The following PDE9A variants were observed in gnomAD, a reference collection of about 807,000 sequenced individuals.
The protein encoded by PDE9A is high affinity cGMP-specific 3',5'-cyclic phosphodiesterase 9A.
PDE9A carries 60 observed loss-of-function variants against 87.4 expected under a neutral mutation model. The observed-to-expected ratio is 0.69, with a 90% CI of 0.56 to 0.85. PDE9A has a LOEUF of 0.85. Ranked by LOEUF, PDE9A falls within the 40% of genes least tolerant of loss-of-function variation. PDE9A has a pLI of 0.00. For missense variants in PDE9A, 665 were observed against 779.0 expected (o/e 0.85, Z 1.74); for synonymous variants, 272 against 279.4 (o/e 0.97, Z 0.27).
At chr21:42,741,032 G>A (rs1338460966) in intron 7 of PDE9A, 1 of 152,154 alleles carries the variant, frequency 6.6e-6, no homozygotes, top group Non-Finnish European at 1.5e-5. Context: ...CTTGGACAGA[G>A]GGCCCAGCTG....
Position 42,671,579 on chromosome 21 carries a change from A to G in PDE9A, c.70-14613A>G, listed in dbSNP as rs1224405689. On this transcript the variant is annotated intron_variant, in intron 1 of 19. Transcript: ENST00000291539. ...ACAATATGTCCAAATGTGTATATAT[A>G]TAATTTGTAACTAGAGGTAAATTGC... 7.2e-5 allele frequency among the ~76,000 whole-genome samples: 11 copies of G among 152,244 alleles called. No individual in the cohort carries two copies. The East Asian group carries it at 2.1e-3, about 29-fold the overall frequency.
intron 4 of PDE9A, among the ~76,000 whole-genome samples, chr21:42,720,005 A>G (rs921599210): frequency 1.8e-4 from 27 of 152,194 alleles, no homozygotes; most frequent in African/African-American, 6.5e-4. Context: ...CTCAGACACG[A>G]TGAGCCAGAG....
At chr21:42,683,815 G>C (rs2059299981) in intron 1 of PDE9A, among the ~76,000 whole-genome samples, 1 of 152,234 alleles carries the variant, frequency 6.6e-6, no homozygotes, top group African/African-American at 2.4e-5. Context: ...TGTCTGGAGA[G>C]AATTTAACTC....
At chr21:42,693,581 C>T (rs1030944660) in intron 3 of PDE9A, among the ~76,000 whole-genome samples, 4 of 145,912 alleles carry the variant, frequency 2.7e-5, no homozygotes, top group Non-Finnish European at 6.0e-5. Flanking sequence ...TGAGCCACCG[C>T]GTCCTACTTT....
intron 3 of PDE9A, chr21:42,689,880 G>T: frequency 1.0e-6 from 1 of 959,244 alleles, no homozygotes; most frequent in Non-Finnish European, 1.2e-6. Context: ...GGAGAAGATG[G>T]AGACACACGC....
intron 1 of PDE9A, among the ~76,000 whole-genome samples, chr21:42,681,774 A>G (rs2059178834): frequency 6.6e-6 from 1 of 152,272 alleles, no homozygotes; most frequent in South Asian, 2.1e-4. Flanking sequence ...AGAAGCCAAC[A>G]TAAAACTTTC....
At position 42,696,325 on chromosome 21, in the gene PDE9A, C is replaced by T. The variant is rs1450473528; in HGVS notation, c.219-2643C>T. ...TGCTGTTCTCCCTCCAGCCCTTGCC[C>T]CACCTCCTGGAGCCCTTCTCTGCGC... On this transcript the variant is annotated intron_variant, in intron 3 of 19. Transcript: ENST00000291539. This position sits in a 1 kb window ranked among gnomAD's most constrained non-coding sequence, Gnocchi z 5.1. Among the ~76,000 whole-genome samples, 4 of 152,194 alleles carry T rather than the reference C, an allele frequency of 2.6e-5. No individual in the cohort carries two copies. The highest frequency in any genetic ancestry group is 5.9e-5 in the Non-Finnish European group (4 of 68,038).
chr21:42,713,829 A>G (rs1403894664), intron 4 of PDE9A, among the ~76,000 whole-genome samples: 3 of 151,964 alleles, frequency 2.0e-5, no homozygotes, highest in African/African-American at 7.3e-5. Flanking sequence ...CAATGTATAT[A>G]TTTCAAAACA....
At chr21:42,681,301 T>G (rs1009754107) in intron 1 of PDE9A, among the ~76,000 whole-genome samples, 2 of 152,236 alleles carry the variant, frequency 1.3e-5, no homozygotes, top group African/African-American at 4.8e-5. Flanking sequence ...CATTACGTGG[T>G]GTCTAGAAGG....
intron 4 of PDE9A, among the ~76,000 whole-genome samples, chr21:42,725,034 C>T (rs1366029426): frequency 6.6e-6 from 1 of 152,206 alleles, no homozygotes; most frequent in Admixed American, 6.5e-5. Flanking sequence ...ACTCATGGCC[C>T]GGTTTCTCCC....
At chr21:42,732,221 C>A (rs1008895855) in intron 6 of PDE9A, 97 bp downstream of exon 6, 12 of 1,206,176 alleles carry the variant, frequency 9.9e-6, no homozygotes, top group Non-Finnish European at 1.4e-5. Context: ...CCTTGGCCGG[C>A]AAGCGTGGCT....
At chr21:42,717,136 G>A (rs953566796) in intron 4 of PDE9A, among the ~76,000 whole-genome samples, 8 of 151,314 alleles carry the variant, frequency 5.3e-5, no homozygotes, top group African/African-American at 1.9e-4. Flanking sequence ...TTTAATAGTT[G>A]CCTATATATT....
intron 8 of PDE9A, among the ~76,000 whole-genome samples, chr21:42,750,753 A>G (rs371421527): frequency 6.6e-6 from 1 of 150,822 alleles, no homozygotes; most frequent in Non-Finnish European, 1.5e-5. Flanking sequence ...TTTTTGTATT[A>G]TTATTATTTT....
chr21:42,742,063 T>C (rs1420785670), intron 7 of PDE9A, among the ~76,000 whole-genome samples: 1 of 152,220 alleles, frequency 6.6e-6, no homozygotes, highest in Non-Finnish European at 1.5e-5. Context: ...GCAGCTTTTC[T>C]GGGGTAAACG....
chr21:42,718,494 G>A (rs530811237), intron 4 of PDE9A, among the ~76,000 whole-genome samples: 1 of 151,578 alleles, frequency 6.6e-6, no homozygotes, highest in African/African-American at 2.4e-5. Flanking sequence ...CCTTCAAATT[G>A]GGTAATTTCT....
At chr21:42,751,304 C>T (rs964586385) in intron 9 of PDE9A, 107 bp downstream of exon 9, 13 of 821,278 alleles carry the variant, frequency 1.6e-5, no homozygotes, top group Middle Eastern at 5.4e-4. Context: ...TCACATCAAC[C>T]GCCCCTCCCA....
chr21:42,755,090 C>T (rs2054888478), intron 10 of PDE9A, among the ~76,000 whole-genome samples: 1 of 152,240 alleles, frequency 6.6e-6, no homozygotes, highest in Non-Finnish European at 1.5e-5. Context: ...AAAGTTCCCT[C>T]ATTGCAGACC....
chr21:42,742,379 T>TTTTTA (rs2053385964), intron 7 of PDE9A, among the ~76,000 whole-genome samples: 3 of 147,118 alleles, frequency 2.0e-5, no homozygotes, highest in African/African-American at 7.6e-5. Flanking sequence ...GATAACTTAG[T>TTTTTA]GGGTGGTGGG....
At chr21:42,733,211 A>C in intron 6 of PDE9A, 145 bp from the exon 7 acceptor site, 2 of 622,416 alleles carry the variant, frequency 3.2e-6, no homozygotes, top group Non-Finnish European at 2.9e-6. Flanking sequence ...AAGTCCTAGC[A>C]TGTTGGCACC....
Sources: gnomAD v4.1 joint callset for allele counts (sites outside exome capture counted in the v4.1 genomes callset) on GRCh38, gnomAD v4.1.1 for gene constraint, Gnocchi (gnomAD v3.1) non-coding constraint, MANE v1.5 for transcripts, NCBI Gene and HGNC (gene_info 2026-07-23, HGNC 2026-07-21) for gene names.